AFF3: variants seen among roughly 807,000 people sequenced by gnomAD.
The protein encoded by AFF3 is AF4/FMR2 family member 3.
AFF3 carries 32 observed loss-of-function variants against 129.7 expected under a neutral mutation model. The observed-to-expected ratio is 0.25, with a 90% CI of 0.19 to 0.33. The LOEUF is 0.33. AFF3 is among the 10% of genes least tolerant of loss of function. The probability of loss-of-function intolerance (pLI) is 1.00; values close to 1 mark genes in which losing one functional copy is unlikely to be tolerated. For missense variants in AFF3, 1,373 were observed against 1,592.0 expected, an observed-to-expected ratio of 0.86 and a Z score of 2.34; for synonymous variants, 644 against 635.4, an observed-to-expected ratio of 1.01 and a Z score of -0.20.
chr2:99,735,571 C>A (rs1239891092), intron 10 of AFF3, among the ~76,000 whole-genome samples: 2 of 152,034 alleles, frequency 1.3e-5, no homozygotes, highest in African/African-American at 4.8e-5. Context: ...CGGCTCACAG[C>A]AACCTCCGCC....
At position 99,565,643 on chromosome 2, in the gene AFF3, C is replaced by T. The variant is rs1675887343; in HGVS notation, c.2983-20G>A. Reference sequence around the variant, plus strand: ...TTCCACCTGATCAACAGAGTTAATACAGTGTCTTCCTAAACAATAGTTTTT... The same window carrying T: ...TTCCACCTGATCAACAGAGTTAATATAGTGTCTTCCTAAACAATAGTTTTT... On this transcript the variant is annotated intron_variant, in intron 19 of 24. Coordinates refer to ENST00000672756, the MANE Select transcript of AFF3 (RefSeq NM_001386135.1). The T allele has an allele frequency of 6.2e-7, 1 of 1,605,560 alleles. No homozygotes were observed. The highest frequency in any genetic ancestry group is 2.2e-5 in the East Asian group (1 of 44,652).
chr2:99,671,082 T>C (rs1687104251), intron 12 of AFF3, among the ~76,000 whole-genome samples: 1 of 152,190 alleles, frequency 6.6e-6, no homozygotes, highest in Non-Finnish European at 1.5e-5. Context: ...TTTAAAAAGG[T>C]TTGCAGATTG....
intron 2 of AFF3, among the ~76,000 whole-genome samples, chr2:100,124,925 AG>A (rs1692123136): frequency 6.6e-6 from 1 of 152,216 alleles, no homozygotes; most frequent in South Asian, 2.1e-4. Flanking sequence ...TGATCAGCCC[AG>A]GGGTCATGAC....
intron 7 of AFF3, among the ~76,000 whole-genome samples, chr2:99,917,890 T>C (rs1226287618): frequency 6.6e-6 from 1 of 152,184 alleles, no homozygotes; most frequent in African/African-American, 2.4e-5. Flanking sequence ...AAAAATTCTG[T>C]TGGGTATTTA....
At chr2:99,830,161 A>C (rs921039059) in intron 8 of AFF3, among the ~76,000 whole-genome samples, 9 of 152,120 alleles carry the variant, frequency 5.9e-5, no homozygotes, top group Admixed American at 5.9e-4. Context: ...TAGGACAAAT[A>C]CCTAGTGCAT....
chr2:100,138,985 A>G (rs1692749996), intron 1 of AFF3, among the ~76,000 whole-genome samples: 2 of 151,378 alleles, frequency 1.3e-5, no homozygotes, highest in South Asian at 4.2e-4. Flanking sequence ...GGGACACAAC[A>G]ACTGAGTTGA....
chr2:99,549,568 G>A lies in AFF3; in HGVS notation c.*1906C>T, dbSNP rs902496828. 9.5e-5 allele frequency: 18 copies of A among 189,636 alleles called. No individual in the cohort carries two copies. Among genetic ancestry groups the A allele is most frequent in the African/African-American group, 4.2e-4 (18 of 42,940 alleles). 11.7% of individuals were successfully genotyped at this position (189,636 alleles called of 1,614,324 possible). On this transcript the variant is annotated 3_prime_UTR_variant, in exon 25 of 25. Coordinates refer to ENST00000672756, the MANE Select transcript of AFF3 (RefSeq NM_001386135.1). The stretch of plus-strand genomic sequence containing the variant: ...CCACTGCACTCCAGCCTGGGCAACA[G>A]AGCGAAACTCGTCTCAAAAAAAAAG...
intron 8 of AFF3, among the ~76,000 whole-genome samples, chr2:99,770,138 C>G (rs1193170581): frequency 3.3e-5 from 5 of 152,228 alleles, no homozygotes; most frequent in Non-Finnish European, 7.4e-5. Context: ...AAGATAAAAA[C>G]CTTAGAAATC....
chr2:100,073,431 A>C (rs1014054943), intron 4 of AFF3, among the ~76,000 whole-genome samples: 2 of 152,184 alleles, frequency 1.3e-5, no homozygotes, highest in African/African-American at 4.8e-5. Flanking sequence ...CCACCCTCAG[A>C]GGGAACCAGC....
chr2:99,563,829 A>AAG (rs1553598452), intron 20 of AFF3, among the ~76,000 whole-genome samples: 1 of 151,198 alleles, frequency 6.6e-6, no homozygotes, highest in Non-Finnish European at 1.5e-5. Flanking sequence ...AAAAAAAAAA[A>AAG]AAAAGAAAGA....
At chr2:99,888,071 T>G (rs1482689527) in intron 7 of AFF3, among the ~76,000 whole-genome samples, 1 of 152,324 alleles carries the variant, frequency 6.6e-6, no homozygotes, top group East Asian at 1.9e-4. Context: ...AGTCAAAAAT[T>G]TGCATCAAAT....
chr2:100,043,931 C>A (rs1323424394), intron 4 of AFF3, among the ~76,000 whole-genome samples: 4 of 152,194 alleles, frequency 2.6e-5, no homozygotes, highest in African/African-American at 9.7e-5. Flanking sequence ...CTTAAATTTG[C>A]AGCCAAAATT....
At chr2:99,572,281 C>T in intron 18 of AFF3, among the ~76,000 whole-genome samples, 1 of 51,178 alleles carries the variant, frequency 2.0e-5, no homozygotes, top group Non-Finnish European at 4.0e-5. Flanking sequence ...TTCTTCTCTT[C>T]CCCCTCCCAC....
intron 4 of AFF3, among the ~76,000 whole-genome samples, chr2:100,054,742 C>T (rs909753744): frequency 2.0e-5 from 3 of 152,182 alleles, no homozygotes; most frequent in Admixed American, 6.5e-5. Context: ...CTAATACAAT[C>T]CCCAAAGATG....
intron 7 of AFF3, among the ~76,000 whole-genome samples, chr2:99,895,772 A>G (rs1328739524): frequency 6.6e-6 from 1 of 152,164 alleles, no homozygotes; most frequent in African/African-American, 2.4e-5. Context: ...TTCTACACTT[A>G]TAAAAAGCTG....
chr2:99,920,913 T>C (rs774467242), intron 7 of AFF3, among the ~76,000 whole-genome samples: 56 of 152,176 alleles, frequency 3.7e-4, no homozygotes, highest in African/African-American at 1.3e-3. Context: ...ATCAAATACA[T>C]ACTTGGGGAT....
intron 4 of AFF3, among the ~76,000 whole-genome samples, chr2:100,039,189 T>C (rs1044857380): frequency 6.6e-6 from 1 of 152,204 alleles, no homozygotes; most frequent in Non-Finnish European, 1.5e-5. Flanking sequence ...GCTTCCCCAA[T>C]AGCTATCTTA....
At chr2:99,852,638 G>A (rs1460632314) in intron 7 of AFF3, among the ~76,000 whole-genome samples, 2 of 152,186 alleles carry the variant, frequency 1.3e-5, no homozygotes, top group Admixed American at 6.5e-5. Flanking sequence ...ACCTCTCAGG[G>A]AGCTTGCACA....
In AFF3 at chr2:99,558,898, T is replaced by C; in HGVS notation, c.3262A>G (p.Lys1088Glu). 1.9e-6 allele frequency: 3 copies of C among 1,614,114 alleles called. No individual in the cohort carries two copies. Among genetic ancestry groups the C allele is most frequent in the Non-Finnish European group, 2.5e-6 (3 of 1,179,946 alleles). Residue 1088 changes from lysine (K) to glutamate (E), a missense_variant, in exon 22 of 25, where the codon AAA becomes GAA. Transcript: ENST00000672756. ...ACCTTGAAATAGTCGATTAGTGCTT[T>C]TGAATACTTTACAGCGTGGTCCCTT... Reference protein sequence around the residue: ...LKRDHAVKYSKALIDYFKNSS... With the variant: ...LKRDHAVKYSEALIDYFKNSS...
Sources: allele counts gnomAD v4.1 joint callset (sites outside exome capture counted in the v4.1 genomes callset), GRCh38; gene constraint gnomAD v4.1.1; transcripts MANE v1.5; gene names NCBI Gene and HGNC (gene_info 2026-07-23, HGNC 2026-07-21).